The following GABRR3 variants were observed in gnomAD, a reference collection of about 807,000 sequenced individuals.
The protein encoded by GABRR3 is gamma-aminobutyric acid receptor subunit rho-3.
A neutral mutation model predicts 43.2 loss-of-function variants in GABRR3; 29 were observed. The observed-to-expected ratio is 0.67, with a 90% confidence interval of 0.50 to 0.92. The LOEUF (loss-of-function observed/expected upper bound fraction) is 0.92, where lower values mean the gene tolerates loss of function less well. GABRR3 is among the 40% of genes least tolerant of loss of function. The pLI is 0.00. For missense variants in GABRR3, 576 were observed against 572.3 expected (o/e 1.01, Z -0.07); for synonymous variants, 206 against 195.9 (o/e 1.05, Z -0.43).
intron 3 of GABRR3, among the ~76,000 whole-genome samples, chr3:98,021,905 T>C (rs989772956): frequency 3.9e-5 from 6 of 152,232 alleles, no homozygotes; most frequent in Non-Finnish European, 8.8e-5. Context: ...AATCTTTTAA[T>C]TATAGCTGCT....
chr3:97,993,027 A>G (rs770428199), exon 9 of GABRR3: 3 of 1,611,238 alleles, frequency 1.9e-6, no homozygotes, highest in East Asian at 4.5e-5. Flanking sequence ...GATTGTGGAC[A>G]TGGTCAGCAC....
chr3:98,020,870 C>CTTTTTTTTTTTT (rs59070712), intron 3 of GABRR3, among the ~76,000 whole-genome samples: 11 of 117,448 alleles, frequency 9.4e-5, no homozygotes, highest in Admixed American at 1.8e-4. Context: ...TTTTCTTTTT[C>CTTTTTTTTTTTT]TTTTTTTTTT....
At chr3:98,010,030 G>A (rs1267157726) in intron 5 of GABRR3, among the ~76,000 whole-genome samples, 1 of 152,184 alleles carries the variant, frequency 6.6e-6, no homozygotes, top group African/African-American at 2.4e-5. Flanking sequence ...ATCTGGCTCT[G>A]GGCTTGGATT....
intron 2 of GABRR3, among the ~76,000 whole-genome samples, chr3:98,032,916 G>T (rs986724738): frequency 1.3e-5 from 2 of 152,140 alleles, no homozygotes; most frequent in African/African-American, 4.8e-5. Flanking sequence ...CTGATAATCA[G>T]GTCGGGTGCT....
At chr3:98,016,227 A>C (rs1416874921) in intron 4 of GABRR3, among the ~76,000 whole-genome samples, 3 of 152,184 alleles carry the variant, frequency 2.0e-5, no homozygotes, top group Non-Finnish European at 4.4e-5. Flanking sequence ...GGAGGTATTT[A>C]GGTCTTGACG....
chr3:97,991,246 C>T (rs2107225406), intron 9 of GABRR3, among the ~76,000 whole-genome samples: 1 of 152,304 alleles, frequency 6.6e-6, no homozygotes, highest in South Asian at 2.1e-4. Context: ...ACACATTTTT[C>T]CTGTCACCTT....
intron 4 of GABRR3, among the ~76,000 whole-genome samples, chr3:98,015,522 G>C (rs755596879): frequency 6.6e-6 from 1 of 152,056 alleles, no homozygotes; most frequent in Non-Finnish European, 1.5e-5. Context: ...TACTACTTTG[G>C]GTAGAATGGA....
At chr3:98,012,518 AGCCTCTCGTCTTTCC>A in exon 5 of GABRR3, 2 of 1,613,998 alleles carry the variant, frequency 1.2e-6, no homozygotes, top group Non-Finnish European at 1.7e-6. Flanking sequence ...AGGAAAGGAG[AGCCTCTCGTCTTTCC>A]AGTAATGCCT....
chr3:98,009,213 G>C (rs558727464), intron 5 of GABRR3, among the ~76,000 whole-genome samples, 175 bp from the exon 6 acceptor site: 1 of 152,226 alleles, frequency 6.6e-6, no homozygotes, highest in South Asian at 2.1e-4. Flanking sequence ...AACTCAGGAG[G>C]GTAGATGATT....
chr3:98,025,218 G>A (rs1262331560), intron 3 of GABRR3, among the ~76,000 whole-genome samples: 2 of 152,164 alleles, frequency 1.3e-5, no homozygotes, highest in African/African-American at 4.8e-5. Context: ...CCAAAGCATG[G>A]CATTCTAGCT....
intron 4 of GABRR3, 26 bp downstream of exon 4, chr3:98,017,629 G>A: frequency 6.4e-7 from 1 of 1,567,708 alleles, no homozygotes. Flanking sequence ...TTCAGAAAAA[G>A]AGCAATATCC....
At chr3:98,013,018 C>A (rs549166896) in intron 4 of GABRR3, among the ~76,000 whole-genome samples, 1 of 152,160 alleles carries the variant, frequency 6.6e-6, no homozygotes, top group Admixed American at 6.5e-5. Context: ...TTTCCCAAAT[C>A]GAATAAACTA....
rs751983055 is a variant in GABRR3 at position 98,034,884 on chromosome 3, G to A, written c.104C>T (p.Ser35Phe). ...TTACCAGGTTTGTTTCATTGAAGAG[G>A]AGCACCGCTGGTGTGTCATCTTGAT... The change falls in exon 2 of 10, where the codon TCC becomes TTC. Residue 35 changes from serine (S) to phenylalanine (F), a missense_variant. Physicochemically the swap from Ser to Phe is radical, Grantham distance 155. Transcript: ENST00000621172. The A allele has an allele frequency of 1.1e-5, 17 of 1,613,038 alleles. No individual in the cohort carries two copies. In the Admixed American group the frequency reaches 2.8e-4, roughly 27 times the overall value.
chr3:98,027,936 C>A (rs1056802956), intron 2 of GABRR3, among the ~76,000 whole-genome samples: 2 of 152,000 alleles, frequency 1.3e-5, no homozygotes, highest in African/African-American at 4.8e-5. Context: ...AATTTTATAT[C>A]ATTCTTTTTT....
At chr3:98,005,659 C>T (rs983934072) in intron 7 of GABRR3, among the ~76,000 whole-genome samples, 1 of 151,908 alleles carries the variant, frequency 6.6e-6, no homozygotes, top group Admixed American at 6.6e-5. Context: ...CTGACAAGCA[C>T]AAATAAAATT....
chr3:97,993,715 C>T (rs1052097225), intron 8 of GABRR3, among the ~76,000 whole-genome samples: 1 of 152,090 alleles, frequency 6.6e-6, no homozygotes, highest in South Asian at 2.1e-4. Context: ...TCCCCTTCCA[C>T]TCTCTTCCCC....
At chr3:98,017,853 C>A (rs1463732058) in intron 3 of GABRR3, 131 bp from the exon 4 acceptor site, 1 of 603,114 alleles carries the variant, frequency 1.7e-6, no homozygotes, top group Non-Finnish European at 2.9e-6. Flanking sequence ...CAACAAATTT[C>A]TCCATTATTC....
chr3:98,011,278 C>A (rs932373487), intron 5 of GABRR3, among the ~76,000 whole-genome samples: 8 of 152,208 alleles, frequency 5.3e-5, no homozygotes, highest in Non-Finnish European at 1.0e-4. Flanking sequence ...CAAATTACTA[C>A]AAATCTGGTG....
chr3:98,015,215 A>T (rs1251295018), intron 4 of GABRR3, among the ~76,000 whole-genome samples: 2 of 152,206 alleles, frequency 1.3e-5, no homozygotes, highest in East Asian at 3.8e-4. Flanking sequence ...TTTTATTAAA[A>T]AGAGTCTCAC....
Sources: allele counts gnomAD v4.1 joint callset (sites outside exome capture counted in the v4.1 genomes callset), GRCh38; gene constraint gnomAD v4.1.1; transcripts MANE v1.5; gene names NCBI Gene and HGNC (gene_info 2026-07-23, HGNC 2026-07-21).